The following FBXO16 variants were observed in gnomAD, a reference collection of about 807,000 sequenced individuals.
FBXO16 encodes F-box only protein 16.
Under a neutral mutation model 41.0 loss-of-function variants are expected in FBXO16, and 31 were observed. That is an observed-to-expected ratio of 0.76 (90% CI 0.57 to 1.02). The LOEUF is 1.02. Ranked by LOEUF, FBXO16 falls within the 50% of genes least tolerant of loss-of-function variation. FBXO16 has a pLI of 0.00. For synonymous variants in FBXO16, 133 were observed against 117.8 expected (o/e 1.13, Z -0.84); for missense variants, 361 against 346.2 (o/e 1.04, Z -0.34).
rs999633460 is a variant in FBXO16, at chr8:28,434,377, G to A, written c.844-4974C>T. 2.0e-5 allele frequency among the ~76,000 whole-genome samples: 3 copies of A among 152,152 alleles called. No individual in the cohort carries two copies. In the South Asian group the frequency reaches 6.2e-4, roughly 32 times the overall value. On this transcript the variant is annotated intron_variant, in intron 7 of 8. Transcript: ENST00000380254. ...AAGGATCAGTTAAGTGAACACATTA[G>A]GTAAAGAAGCAAGTGGATGTGGAAA...
chr8:28,433,672 T>G (rs1392011140), intron 7 of FBXO16, among the ~76,000 whole-genome samples: 2 of 152,340 alleles, frequency 1.3e-5, no homozygotes, highest in African/African-American at 2.4e-5. Context: ...TCCTTGTTCA[T>G]TAATGATAAA....
At chr8:28,457,374 T>C (rs1803055588) in intron 4 of FBXO16, among the ~76,000 whole-genome samples, 1 of 152,200 alleles carries the variant, frequency 6.6e-6, no homozygotes, top group Admixed American at 6.5e-5. Context: ...TGCTTCCTTT[T>C]CCCTTGTGTA....
intron 7 of FBXO16, among the ~76,000 whole-genome samples, chr8:28,429,612 A>C (rs1563355121): frequency 6.6e-6 from 1 of 150,630 alleles, no homozygotes; most frequent in African/African-American, 2.4e-5. Flanking sequence ...CTCCATACTA[A>C]GCTGGCAAGT....
intron 7 of FBXO16, among the ~76,000 whole-genome samples, chr8:28,430,304 C>A (rs1802587578): frequency 6.6e-6 from 1 of 152,156 alleles, no homozygotes; most frequent in Non-Finnish European, 1.5e-5. Flanking sequence ...GTCCTGAACT[C>A]CCGAGCTCAA....
chr8:28,447,790 C>T (rs1802889905), intron 6 of FBXO16, among the ~76,000 whole-genome samples: 1 of 152,030 alleles, frequency 6.6e-6, no homozygotes, highest in African/African-American at 2.4e-5. Flanking sequence ...CCCATCTCTA[C>T]TAAAAATACA....
intron 3 of FBXO16, among the ~76,000 whole-genome samples, chr8:28,466,667 C>T (rs918033041): frequency 4.7e-5 from 7 of 149,892 alleles, no homozygotes; most frequent in Non-Finnish European, 8.9e-5. Context: ...TGGTGGCAGG[C>T]GCCTGTAGTC....
Position 28,478,742 on chromosome 8 carries a change from G to A in FBXO16, c.99+4606C>T, listed in dbSNP as rs370952215. On this transcript the variant is annotated intron_variant, in intron 2 of 8. Coordinates refer to ENST00000380254, the MANE Select transcript of FBXO16 (RefSeq NM_172366.4). ...GGAGGCTGAGGCAGGAGAATCGCTT[G>A]AACTGGGAGGCAGAGGTTGCAGTGA... is the stretch of plus-strand genomic sequence containing the variant. Among the ~76,000 whole-genome samples, 7 of 149,786 alleles carry A rather than the reference G, an allele frequency of 4.7e-5. No homozygotes were observed. The East Asian group carries it at 1.4e-3, about 30-fold the overall frequency.
intron 2 of FBXO16, among the ~76,000 whole-genome samples, chr8:28,479,998 AG>A (rs1239877535): frequency 6.6e-6 from 1 of 151,790 alleles, no homozygotes; most frequent in Non-Finnish European, 1.5e-5. Context: ...ACCCTCCCAA[AG>A]TGCTGGGATT....
chr8:28,456,719 C>A, intron 5 of FBXO16, 47 bp downstream of exon 5: 1 of 1,596,774 alleles, frequency 6.3e-7, no homozygotes, highest in African/African-American at 1.3e-5. Flanking sequence ...CTAGAATTTG[C>A]AAAGAGCCAA....
intron 7 of FBXO16, among the ~76,000 whole-genome samples, chr8:28,440,696 A>G (rs911879582): frequency 6.6e-6 from 1 of 152,208 alleles, no homozygotes; most frequent in Non-Finnish European, 1.5e-5. Flanking sequence ...GAATTAGCAG[A>G]GCACAGGAAA....
intron 3 of FBXO16, among the ~76,000 whole-genome samples, chr8:28,471,027 T>C (rs954169879): frequency 2.6e-5 from 4 of 152,194 alleles, no homozygotes; most frequent in African/African-American, 9.6e-5. Context: ...CTTTCTCTTT[T>C]CACTTCTCCT....
chr8:28,449,269 A>C (rs1273072757), intron 6 of FBXO16, among the ~76,000 whole-genome samples: 1 of 152,022 alleles, frequency 6.6e-6, no homozygotes, highest in African/African-American at 2.4e-5. Context: ...ACAGAAGAAA[A>C]GAAAATGCTG....
chr8:28,430,559 GTTGT>G (rs930488494), intron 7 of FBXO16, among the ~76,000 whole-genome samples: 2 of 152,214 alleles, frequency 1.3e-5, no homozygotes, highest in Admixed American at 1.3e-4. Flanking sequence ...AGTTTTCGGT[GTTGT>G]TTAAGGTCCC....
chr8:28,451,141 C>A (rs567344047), intron 6 of FBXO16, among the ~76,000 whole-genome samples: 4 of 152,126 alleles, frequency 2.6e-5, no homozygotes, highest in African/African-American at 9.7e-5. Context: ...TTTTAATAAA[C>A]AACAAAGGAG....
chr8:28,453,213 T>G (rs1563362550), intron 5 of FBXO16, among the ~76,000 whole-genome samples: 1 of 149,392 alleles, frequency 6.7e-6, no homozygotes, highest in East Asian at 1.9e-4. Flanking sequence ...AGTAGTAAGT[T>G]GGAGGGCCAG....
chr8:28,474,561 T>C (rs893586419), intron 2 of FBXO16, among the ~76,000 whole-genome samples: 10 of 152,084 alleles, frequency 6.6e-5, no homozygotes, highest in Admixed American at 6.6e-5. Context: ...ACAAAACAAG[T>C]GAATGATCAG....
intron 8 of FBXO16, 54 bp downstream of exon 8, chr8:28,429,324 A>ACGATCTCT (rs757105458): frequency 5.7e-5 from 90 of 1,592,492 alleles, no homozygotes; most frequent in Non-Finnish European, 7.1e-5. Context: ...ATACATGCAC[A>ACGATCTCT]CGATCTCTCT....
intron 4 of FBXO16, among the ~76,000 whole-genome samples, chr8:28,460,635 G>C (rs1435298552): frequency 6.6e-6 from 1 of 151,690 alleles, no homozygotes; most frequent in Non-Finnish European, 1.5e-5. Context: ...ATATTGGCCA[G>C]GCTGTTTTCA....
At chr8:28,429,043 T>C (rs1488648271) in intron 8 of FBXO16, among the ~76,000 whole-genome samples, 1 of 152,192 alleles carries the variant, frequency 6.6e-6, no homozygotes, top group Non-Finnish European at 1.5e-5. Flanking sequence ...ACTGAGGAAT[T>C]TGAGTGACAG....
Sources: gnomAD v4.1 joint callset for allele counts (sites outside exome capture counted in the v4.1 genomes callset) on GRCh38, gnomAD v4.1.1 for gene constraint, MANE v1.5 for transcripts, NCBI Gene and HGNC (gene_info 2026-07-23, HGNC 2026-07-21) for gene names.